The following ERN2 variants were observed in gnomAD, a reference collection of about 807,000 sequenced individuals.
ERN2 encodes the protein endoplasmic reticulum to nucleus signaling 2.
Under a neutral mutation model 107.9 loss-of-function variants are expected in ERN2, and 111 were observed. The observed-to-expected ratio is 1.03, with a 90% confidence interval of 0.88 to 1.20. ERN2 has a LOEUF of 1.20. Ranked by LOEUF, ERN2 falls within the 50% of genes most tolerant of loss-of-function variation. ERN2 has a pLI of 0.00. For synonymous variants in ERN2, 524 were observed against 501.7 expected (o/e 1.04, Z -0.59); for missense variants, 1,225 against 1,197.9 (o/e 1.02, Z -0.33).
Position 23,695,091 on chromosome 16 carries a change from C to G in ERN2, c.1828G>C (p.Gly610Arg), listed in dbSNP as rs1959751309. ...AGCACGACCTCGGGCTCCAGACCCC[C>G]GCGATCCAGGTCCGGGTTTTCTACG... ...EYVENPDLDR[G>R]GLEPEVVLQQ... is the part of the protein sequence containing the mutation. Residue 610 changes from glycine to arginine, a missense_variant, in exon 16 of 22, where the codon GGG becomes CGG. Gly to Arg is a moderately radical substitution (Grantham distance 125, BLOSUM62 -2). Coordinates refer to ENST00000256797, the MANE Select transcript of ERN2 (RefSeq NM_033266.4). 2 of 1,613,898 alleles carry G rather than the reference C, an allele frequency of 1.2e-6. No individual in the cohort carries two copies. Among genetic ancestry groups the G allele is most frequent in the African/African-American group, 1.3e-5 (1 of 75,034 alleles).
intron 1 of ERN2, among the ~76,000 whole-genome samples, chr16:23,711,422 T>A (rs970907062): frequency 6.6e-6 from 1 of 152,208 alleles, no homozygotes; most frequent in African/African-American, 2.4e-5. Context: ...AGTGGCATAG[T>A]CATAGCTCAC....
At chr16:23,712,941 C>A (rs1332519497) in intron 1 of ERN2, 154 bp downstream of exon 1, 4 of 589,636 alleles carry the variant, frequency 6.8e-6, no homozygotes, top group Admixed American at 3.6e-5. Context: ...ACCCAGGAGG[C>A]TTTTACTCCG....
intron 19 of ERN2, 122 bp downstream of exon 19, chr16:23,691,841 C>T: frequency 2.2e-6 from 3 of 1,355,042 alleles, no homozygotes; most frequent in African/African-American, 1.5e-5. Context: ...AGGGAAAGAG[C>T]CAGGCTCCCA....
intron 14 of ERN2, among the ~76,000 whole-genome samples, 163 bp downstream of exon 14, chr16:23,695,731 A>C (rs1172279771): frequency 4.0e-5 from 6 of 150,836 alleles, no homozygotes; most frequent in Non-Finnish European, 7.4e-5. Context: ...TCAAAAAAAA[A>C]AAAAAAAAAA....
At chr16:23,704,598 CTT>C (rs755109311) in intron 8 of ERN2, among the ~76,000 whole-genome samples, 3 of 152,140 alleles carry the variant, frequency 2.0e-5, no homozygotes, top group Non-Finnish European at 2.9e-5. Context: ...TTGGGTATGT[CTT>C]TATCAGCAGC....
At chr16:23,704,372 C>A (rs1219852971) in intron 8 of ERN2, among the ~76,000 whole-genome samples, 1 of 152,090 alleles carries the variant, frequency 6.6e-6, no homozygotes, top group African/African-American at 2.4e-5. Context: ...ATCATGAGGT[C>A]TTTCCCATGC....
intron 12 of ERN2, 126 bp downstream of exon 12, chr16:23,700,833 G>T (rs1960032436): frequency 6.9e-7 from 1 of 1,452,486 alleles, no homozygotes; most frequent in Non-Finnish European, 9.3e-7. Flanking sequence ...GGGGCCTGGG[G>T]AGCTGCTGGG....
In ERN2 at chr16:23,707,030, C is replaced by T; in HGVS notation, c.356G>A (p.Ser119Asn). The change falls in exon 5 of 22, where the codon AGC (serine) becomes AAC (asparagine). Residue 119 changes from serine to asparagine, a missense_variant. Coordinates refer to ENST00000256797, the MANE Select transcript of ERN2 (RefSeq NM_033266.4). Reference sequence around the variant, plus strand: ...ACCTGTGTAGAAGACCCCATCAGAGCTGCGGCAGGGAGAGGCATGAACCAG... The same window carrying T: ...ACCTGTGTAGAAGACCCCATCAGAGTTGCGGCAGGGAGAGGCATGAACCAG... ...PELVHASPCR[S>N]SDGVFYTGRK... 2.5e-6 allele frequency: 4 copies of T among 1,614,124 alleles called. No homozygotes were observed. Among genetic ancestry groups the T allele is most frequent in the Non-Finnish European group, 3.4e-6 (4 of 1,179,978 alleles).
intron 8 of ERN2, among the ~76,000 whole-genome samples, chr16:23,704,606 G>C (rs1960220580): frequency 6.6e-6 from 1 of 152,150 alleles, no homozygotes; most frequent in African/African-American, 2.4e-5. Context: ...GTCTTTATCA[G>C]CAGCATGAAA....
At chr16:23,691,481 G>A in intron 19 of ERN2, 56 bp from the exon 20 acceptor site, 1 of 1,573,276 alleles carries the variant, frequency 6.4e-7, no homozygotes, top group Non-Finnish European at 8.6e-7. Context: ...CACATAGCCA[G>A]GAGTGTGTTG....
Position 23,695,098 on chromosome 16 carries a change from C to T in ERN2, c.1821G>A (p.Leu607=), listed in dbSNP as rs1192964253. The change falls in exon 16 of 22, where the codon CTG becomes CTA. Residue 607 remains leucine, a synonymous_variant. Transcript: ENST00000256797. ...SLQEYVENPD[L]DRGGLEPEVV... ...CCTCGGGCTCCAGACCCCCGCGATC[C>T]AGGTCCGGGTTTTCTACGTACTGAG... is the stretch of plus-strand genomic sequence containing the variant. The T allele has an allele frequency of 6.2e-7, 1 of 1,614,024 alleles. No individual in the cohort carries two copies. The highest frequency in any genetic ancestry group is 2.2e-5 in the East Asian group (1 of 44,876).
rs777492996 is a variant in ERN2, at chr16:23,702,678, A to G, written c.879T>C (p.Asp293=). The G allele has an allele frequency of 6.2e-7, 1 of 1,614,210 alleles. No individual in the cohort carries two copies. Among genetic ancestry groups the G allele is most frequent in the African/African-American group, 1.3e-5 (1 of 75,068 alleles). The change falls in exon 9 of 22, where the codon GAT becomes GAC. Residue 293 remains aspartate (D), a synonymous_variant. Transcript: ENST00000256797. ...CTTTAGAGACATAGAAGCCAGTTTC[A>G]TCCTTCCCCACATACAGCGTCATTC... ...QLLMTLYVGK[D]ETGFYVSKAL...
In ERN2 at chr16:23,706,311, A is replaced by T; in HGVS notation, c.589+19T>A. On this transcript the variant is annotated intron_variant, in intron 7 of 21. Coordinates refer to ENST00000256797, the MANE Select transcript of ERN2 (RefSeq NM_033266.4). ...GGGGACCTTGCTCCAAGATGGGACC[A>T]GAGAAAGGTGGAACTCACATTTCCC... 6.8e-7 allele frequency: 1 copy of T among 1,465,774 alleles called. No homozygotes were observed. Among genetic ancestry groups the T allele is most frequent in the Non-Finnish European group, 9.1e-7 (1 of 1,095,624 alleles). 90.8% of individuals were successfully genotyped at this position (1,465,774 alleles called of 1,614,324 possible). A position where few individuals can be genotyped will look rare whatever the true frequency, so the allele number is the denominator to read the frequency against.
At chr16:23,697,987 C>A (rs769990596) in intron 13 of ERN2, among the ~76,000 whole-genome samples, 9 of 151,958 alleles carry the variant, frequency 5.9e-5, no homozygotes, top group Non-Finnish European at 2.9e-5. Flanking sequence ...TGGGCTCAAG[C>A]AATCCTCCCA....
At chr16:23,702,345 G>C in intron 10 of ERN2, 45 bp downstream of exon 10, 1 of 1,611,048 alleles carries the variant, frequency 6.2e-7, no homozygotes, top group Non-Finnish European at 8.5e-7. Context: ...GGGCTCACAG[G>C]TTCTTTATCT....
At position 23,695,959 on chromosome 16, in the gene ERN2, C is replaced by T. The variant is rs756900411; in HGVS notation, c.1545G>A (p.Val515=). The change falls in exon 14 of 22, where the codon GTG becomes GTA. Residue 515 remains valine (V), a synonymous_variant. Transcript: ENST00000256797. ...DDPEAEQLTV[V]GKISFNPKDV... ...CCTTGGGATTGAAGGAAATCTTCCC[C>T]ACTACGGTGAGTTGCTCAGCTGGGG... is the stretch of plus-strand genomic sequence containing the variant. The T allele has an allele frequency of 1.2e-6, 2 of 1,614,156 alleles. No individual in the cohort carries two copies. The highest frequency in any genetic ancestry group is 1.7e-6 in the Non-Finnish European group (2 of 1,179,994).
Position 23,691,023 on chromosome 16 carries a change from G to C in ERN2, c.2589C>G (p.Leu863=). The stretch of plus-strand genomic sequence containing the variant: ...CGAGTGCCTGTCGCACCTCAACTGG[G>C]AGCTCCCTGTAGTGGTGCTTCTGTG... The part of the protein sequence containing the change: ...VRNKKHHYRE[L]PVEVRQALGQ... The change falls in exon 22 of 22, where the codon CTC becomes CTG. Residue 863 remains leucine (L), a synonymous_variant. Coordinates refer to ENST00000256797, the MANE Select transcript of ERN2 (RefSeq NM_033266.4). 6.2e-7 allele frequency: 1 copy of C among 1,614,224 alleles called. No homozygotes were observed. The highest frequency in any genetic ancestry group is 1.3e-5 in the African/African-American group (1 of 75,062).
In ERN2 at chr16:23,710,186, GT is replaced by G; in HGVS notation, c.291del (p.Lys97AsnfsTer5). The G allele has an allele frequency of 6.2e-7, 1 of 1,613,070 alleles. No homozygotes were observed. Among genetic ancestry groups the G allele is most frequent in the Non-Finnish European group, 8.5e-7 (1 of 1,179,024 alleles). On this transcript the variant is annotated frameshift_variant, in exon 4 of 22. Transcript: ENST00000256797. LOFTEE classifies it high-confidence loss of function. ...GGGATACAAACCATTAATCCCTGTTGTTTTTGGGTCCCCAAGATGTACAGGC... is the reference window on the plus strand; with the variant it reads ...GGGATACAAACCATTAATCCCTGTTGTTTTGGGTCCCCAAGATGTACAGGC... ...DGSLYILGTQ[K>X]QQGLMKLPFT... is the part of the protein sequence containing the mutation.
chr16:23,710,280 T>G (rs4967959), intron 3 of ERN2, 36 bp from the exon 4 acceptor site: 1,006,595 of 1,558,406 alleles, frequency 0.65, 330,956 homozygotes, highest in African/African-American at 0.9. Context: ...ACCAATGGGT[T>G]CTTGCCCCCT....
Sources: gnomAD v4.1 joint callset for allele counts (sites outside exome capture counted in the v4.1 genomes callset) on GRCh38, gnomAD v4.1.1 for gene constraint, MANE v1.5 for transcripts, NCBI Gene and HGNC (gene_info 2026-07-23, HGNC 2026-07-21) for gene names.